Variants in NOMO3 observed in about 807,000 individuals in gnomAD.
The protein encoded by NOMO3 is NODAL modulator 3, also known as BOS complex subunit NOMO3.
Under a neutral mutation model 69.9 loss-of-function variants are expected in NOMO3, and 15 were observed. The observed-to-expected ratio is 0.21, with a 90% CI of 0.14 to 0.33. The LOEUF (loss-of-function observed/expected upper bound fraction) is 0.33. Ranked by LOEUF, NOMO3 falls within the 10% of genes least tolerant of loss-of-function variation. The pLI is 1.00. For synonymous variants in NOMO3, 89 were observed against 301.9 expected (o/e 0.29, Z 7.31); for missense variants, 218 against 761.0 (o/e 0.29, Z 8.39).
chr16:16,243,026 C>T lies in NOMO3; in HGVS notation c.302-135C>T. Reference sequence around the variant, plus strand: ...CGTACCTTTGGATTTGGAAACACAACGAGTGTATTAAGTGTTCAAAAGTAA... The same window carrying T: ...CGTACCTTTGGATTTGGAAACACAATGAGTGTATTAAGTGTTCAAAAGTAA... On this transcript the variant is annotated intron_variant, in intron 3 of 30. Transcript: ENST00000399336. 9.7e-6 allele frequency: 13 copies of T among 1,340,784 alleles called. 1 individual carries two copies. The highest frequency in any genetic ancestry group is 2.9e-5 in the East Asian group (1 of 34,968). 83.1% of individuals were successfully genotyped at this position (1,340,784 alleles called of 1,614,324 possible).
chr16:16,242,603 C>A (rs2049382943), intron 3 of NOMO3, among the ~76,000 whole-genome samples: 1 of 141,826 alleles, frequency 7.1e-6, no homozygotes, highest in Admixed American at 6.9e-5. Flanking sequence ...CCTGGTTTAA[C>A]ATGGCTGAGC....
chr16:16,239,680 G>T (rs2141247002), intron 2 of NOMO3, among the ~76,000 whole-genome samples, 171 bp from the exon 3 acceptor site: 2 of 104,164 alleles, frequency 1.9e-5, no homozygotes, highest in Middle Eastern at 7.7e-3. Context: ...GCTTCAGCTT[G>T]TAGCTTCTGA....
intron 2 of NOMO3, among the ~76,000 whole-genome samples, chr16:16,238,299 C>G (rs1457774419): frequency 1.5e-5 from 2 of 135,268 alleles, no homozygotes; most frequent in Admixed American, 7.2e-5. Flanking sequence ...GTGGCGCGAT[C>G]TCGGCTCACT....
chr16:16,264,554 C>CTT (rs767272625), intron 14 of NOMO3, among the ~76,000 whole-genome samples: 1 of 87,040 alleles, frequency 1.1e-5, no homozygotes, highest in Non-Finnish European at 2.2e-5. Context: ...GTTTTTCTTT[C>CTT]TTTTTTTTTG....
At chr16:16,237,892 A>G (rs1424407978) in intron 2 of NOMO3, among the ~76,000 whole-genome samples, 1 of 144,480 alleles carries the variant, frequency 6.9e-6, no homozygotes, top group Non-Finnish European at 1.5e-5. Flanking sequence ...ATTGCTTTCT[A>G]TTTATAGTTA....
chr16:16,268,846 G>T (rs1209883302), intron 16 of NOMO3, among the ~76,000 whole-genome samples: 1 of 143,964 alleles, frequency 6.9e-6, no homozygotes, highest in Non-Finnish European at 1.5e-5. Context: ...AAAGGAGGAA[G>T]TCAAGGAGAG....
chr16:16,245,937 AC>A (rs1357379110), intron 5 of NOMO3, among the ~76,000 whole-genome samples: 1 of 54,300 alleles, frequency 1.8e-5, no homozygotes, highest in Non-Finnish European at 3.2e-5. Flanking sequence ...TAATTGTGGA[AC>A]CTATCTCCTA....
In NOMO3 at chr16:16,265,513, T is replaced by C. The variant is rs1015647466; in HGVS notation, c.1806+334T>C. ...TTCATTTACTGCTTCTCAGCCTCAG[T>C]TTTCACCGAAAATTGAGATCTTAAT... On this transcript the variant is annotated intron_variant, in intron 15 of 30. Coordinates refer to ENST00000399336, the MANE Select transcript of NOMO3 (RefSeq NM_001004067.4). Among the ~76,000 whole-genome samples, 53 of 135,894 alleles carry C rather than the reference T, an allele frequency of 3.9e-4. 6 individuals are homozygous for C. The highest frequency in any genetic ancestry group is 7.5e-3 in the Middle Eastern group (2 of 268). The allele number at this position is 135,894 out of a possible 152,430, so 89.2% of individuals were successfully genotyped here. A position where few individuals can be genotyped will look rare whatever the true frequency, so the allele number is the denominator to read the frequency against.
intron 11 of NOMO3, 166 bp from the exon 12 acceptor site, chr16:16,261,336 T>A (rs2049563583): frequency 9.0e-7 from 1 of 1,111,414 alleles, no homozygotes; most frequent in Non-Finnish European, 1.2e-6. Context: ...GAATGAAGGT[T>A]GCTTTTTAAA....
In NOMO3 at chr16:16,263,146, G is replaced by C; in HGVS notation, c.1468G>C (p.Asp490His). ...CCAGACATTTCCTCTTACTGTGACC[G>C]ACAGGCCTGTGATGGATGTGGCCTT... is the stretch of plus-strand genomic sequence containing the variant. ...KPQTFPLTVT[D>H]RPVMDVAFVQ... Residue 490 changes from aspartate (D) to histidine (H), a missense_variant, in exon 13 of 31, where the codon GAC becomes CAC. Asp to His is a moderately conservative substitution (Grantham distance 81). Coordinates refer to ENST00000399336, the MANE Select transcript of NOMO3 (RefSeq NM_001004067.4). The C allele has an allele frequency of 6.3e-7, 1 of 1,590,430 alleles. No individual in the cohort carries two copies. The highest frequency in any genetic ancestry group is 8.5e-7 in the Non-Finnish European group (1 of 1,175,536).
At position 16,255,777 on chromosome 16, in the gene NOMO3, G is replaced by T; in HGVS notation, c.1021G>T (p.Gly341Ter). The T allele has an allele frequency of 6.3e-7, 1 of 1,575,420 alleles. No individual in the cohort carries two copies. The highest frequency in any genetic ancestry group is 8.5e-7 in the Non-Finnish European group (1 of 1,170,352). The stretch of plus-strand genomic sequence containing the variant: ...CGGGAGGGTCTTGAACGGACCCGAA[G>T]GAGATGGTGTTCCAGAAGCAGTAGT... Reference protein sequence around the residue: ...VTGRVLNGPEGDGVPEAVVTL... With the variant: ...VTGRVLNGPE The change falls in exon 10 of 31, where the codon GGA (glycine) becomes TGA (stop). Residue 341 changes from glycine (G) to a stop codon, truncating the protein, a stop_gained. Transcript: ENST00000399336. LOFTEE classifies it high-confidence loss of function.
At chr16:16,249,563 C>T (rs1192135265) in intron 6 of NOMO3, among the ~76,000 whole-genome samples, 2 of 112,302 alleles carry the variant, frequency 1.8e-5, no homozygotes, top group Non-Finnish European at 3.3e-5. Context: ...GCTTGGGTGA[C>T]AGAGTGAGAC....
At chr16:16,265,668 A>AT (rs1462635090) in intron 15 of NOMO3, among the ~76,000 whole-genome samples, 471 of 24,864 alleles carry the variant, frequency 0.019, 2 homozygotes, top group Non-Finnish European at 0.024. Flanking sequence ...ATATATATAT[A>AT]TATTTTTTTT....
At chr16:16,257,353 G>A (rs1177510086) in intron 11 of NOMO3, among the ~76,000 whole-genome samples, 1 of 135,994 alleles carries the variant, frequency 7.4e-6, no homozygotes. Context: ...AAGCAGAGAC[G>A]ACAAGGGCTT....
In NOMO3 at chr16:16,262,992, A is replaced by T; in HGVS notation, c.1396-82A>T. The T allele has an allele frequency of 1.9e-6, 3 of 1,554,892 alleles. 1 individual carries two copies. In the Admixed American group the frequency reaches 5.7e-5, roughly 30 times the overall value. ...TCAAAATCTCTTTAGCCTTGGTCCC[A>T]GATGAATGTTCTAGCGCCCTGTAGG... On this transcript the variant is annotated intron_variant, in intron 12 of 30. Coordinates refer to ENST00000399336, the MANE Select transcript of NOMO3 (RefSeq NM_001004067.4).
chr16:16,237,056 C>G lies in NOMO3; in HGVS notation c.255+66C>G. 1.1e-5 allele frequency: 17 copies of G among 1,587,584 alleles called. 2 individuals carry two copies. Among genetic ancestry groups the G allele is most frequent in the Non-Finnish European group, 1.4e-5 (17 of 1,173,288 alleles). On this transcript the variant is annotated intron_variant, in intron 2 of 30. Transcript: ENST00000399336. The stretch of plus-strand genomic sequence containing the variant: ...AGTGTGCCTCACCAGGCTGCATTAA[C>G]CATGTCCTTTCCTACACTAGCAAAT...
intron 1 of NOMO3, among the ~76,000 whole-genome samples, chr16:16,235,030 C>G (rs918182313): frequency 6.6e-6 from 1 of 151,962 alleles, no homozygotes; most frequent in South Asian, 2.1e-4. Flanking sequence ...CAGTCCCTGC[C>G]TTAAATGCAT....
chr16:16,248,585 G>T (rs2049434746), intron 6 of NOMO3, among the ~76,000 whole-genome samples: 2 of 142,884 alleles, frequency 1.4e-5, no homozygotes, highest in African/African-American at 2.6e-5. Context: ...TTTTTTTTTT[G>T]AGATGAAGTC....
Position 16,241,309 on chromosome 16 carries a change from G to C in NOMO3, c.301+1413G>C, listed in dbSNP as rs1217760843. 1.4e-5 allele frequency among the ~76,000 whole-genome samples: 2 copies of C among 142,898 alleles called. 1 individual carries two copies. Among genetic ancestry groups the C allele is most frequent in the East Asian group, 4.6e-4 (2 of 4,368 alleles). 93.7% of individuals were successfully genotyped at this position (142,898 alleles called of 152,430 possible). A position where few individuals can be genotyped will look rare whatever the true frequency, so the allele number is the denominator to read the frequency against. On this transcript the variant is annotated intron_variant, in intron 3 of 30. Transcript: ENST00000399336. ...TCCGGTTTCTTTCACTCAACATTAT[G>C]AACTTTATCTGTATCATTTGTAGCT...
Sources: allele counts gnomAD v4.1 joint callset (sites outside exome capture counted in the v4.1 genomes callset), GRCh38; gene constraint gnomAD v4.1.1; transcripts MANE v1.5; gene names NCBI Gene and HGNC (gene_info 2026-07-23, HGNC 2026-07-21).